CREB5: variants seen among roughly 807,000 people sequenced by gnomAD.
The protein encoded by CREB5 is cAMP responsive element binding protein 5, also known as cyclic AMP-responsive element-binding protein 5.
Under a neutral mutation model 57.1 loss-of-function variants are expected in CREB5, and 19 were observed. The ratio of observed to expected loss-of-function variants is 0.33; its 90% confidence interval spans 0.23 to 0.49. The LOEUF is 0.49. Ranked by LOEUF, CREB5 falls within the 20% of genes least tolerant of loss-of-function variation. CREB5 has a pLI of 0.99. For missense variants in CREB5, 579 were observed against 671.6 expected, an observed-to-expected ratio of 0.86 and a Z score of 1.52; for synonymous variants, 238 against 238.3, an observed-to-expected ratio of 1.00 and a Z score of 0.01.
At chr7:28,633,680 C>T (rs1480364539) in intron 5 of CREB5, among the ~76,000 whole-genome samples, 1 of 152,110 alleles carries the variant, frequency 6.6e-6, no homozygotes, top group Non-Finnish European at 1.5e-5. Context: ...TCTGAAGCTA[C>T]CAGCCATGAC....
intron 1 of CREB5, among the ~76,000 whole-genome samples, chr7:28,472,165 A>AC (rs1554328948): frequency 0.18 from 26,092 of 147,974 alleles, 2,482 homozygotes; most frequent in Non-Finnish European, 0.18. Context: ...AAAAAAAAAA[A>AC]ACATAGTAAT....
At chr7:28,590,534 G>A (rs936415936) in intron 5 of CREB5, among the ~76,000 whole-genome samples, 6 of 107,220 alleles carry the variant, frequency 5.6e-5, no homozygotes, top group Admixed American at 1.1e-4. Flanking sequence ...GTTGTGGGGT[G>A]GGGGGAGGGG....
chr7:28,747,561 C>A (rs1051705011), intron 7 of CREB5, among the ~76,000 whole-genome samples: 3 of 152,180 alleles, frequency 2.0e-5, no homozygotes, highest in Non-Finnish European at 4.4e-5. Flanking sequence ...AAGGGACTCA[C>A]CTTTCTGCTC....
chr7:28,337,770 T>A (rs1008884564), intron 1 of CREB5, among the ~76,000 whole-genome samples: 1 of 152,142 alleles, frequency 6.6e-6, no homozygotes, highest in African/African-American at 2.4e-5. Flanking sequence ...TGTGGTCTTA[T>A]CTTCCTCATT....
At chr7:28,628,181 T>C (rs192671995) in intron 5 of CREB5, among the ~76,000 whole-genome samples, 45 of 152,038 alleles carry the variant, frequency 3.0e-4, no homozygotes, top group Non-Finnish European at 5.0e-4. Flanking sequence ...ATGGCTCTCA[T>C]ATCTCTCGTC....
At chr7:28,471,867 C>T (rs941352096) in intron 1 of CREB5, among the ~76,000 whole-genome samples, 21 of 152,144 alleles carry the variant, frequency 1.4e-4, no homozygotes, top group Admixed American at 5.2e-4. Flanking sequence ...TGCATTATCT[C>T]ATTGTCCCAC....
intron 5 of CREB5, among the ~76,000 whole-genome samples, chr7:28,638,825 C>T (rs906741296): frequency 5.9e-5 from 9 of 152,084 alleles, no homozygotes; most frequent in African/African-American, 2.2e-4. Context: ...AATCAGAGAA[C>T]AAAACTTGGA....
rs540435283 is a variant in CREB5, at chr7:28,577,577, G to C, written c.464+7040G>C. On this transcript the variant is annotated intron_variant, in intron 5 of 10. Transcript: ENST00000357727. Reference sequence around the variant, plus strand: ...CCATTTTGCAGTTGAGTAAAGTAAGGTTCAGAGATTAAGTGACTTGCCCCA... The same window carrying C: ...CCATTTTGCAGTTGAGTAAAGTAAGCTTCAGAGATTAAGTGACTTGCCCCA... Among the ~76,000 whole-genome samples the C allele has an allele frequency of 3.9e-5, 6 of 152,268 alleles. No homozygotes were observed. The South Asian group carries it at 1.2e-3, about 32-fold the overall frequency.
intron 4 of CREB5, among the ~76,000 whole-genome samples, chr7:28,569,115 A>C (rs1368892304): frequency 6.7e-6 from 1 of 149,554 alleles, no homozygotes; most frequent in Non-Finnish European, 1.5e-5. Context: ...GCCCTTACCT[A>C]TTACTTTGTT....
intron 1 of CREB5, among the ~76,000 whole-genome samples, chr7:28,305,312 C>A (rs1562648842): frequency 1.3e-5 from 2 of 152,182 alleles, no homozygotes. Context: ...GCCTTTTGCT[C>A]TTTCCTTCTT....
intron 7 of CREB5, among the ~76,000 whole-genome samples, chr7:28,755,901 A>C (rs1424557437): frequency 6.6e-6 from 1 of 151,458 alleles, no homozygotes; most frequent in Non-Finnish European, 1.5e-5. Context: ...AAGTGCATTC[A>C]TTCATTCATT....
At chr7:28,605,551 G>A (rs1477717561) in intron 5 of CREB5, among the ~76,000 whole-genome samples, 3 of 152,234 alleles carry the variant, frequency 2.0e-5, no homozygotes, top group Admixed American at 6.5e-5. Context: ...CAAACAATGC[G>A]CTAAAATTAA....
intron 1 of CREB5, among the ~76,000 whole-genome samples, chr7:28,346,227 T>C (rs1786055149): frequency 6.6e-6 from 1 of 152,202 alleles, no homozygotes; most frequent in African/African-American, 2.4e-5. Context: ...CATAATTTGG[T>C]TGGCTTATAA....
chr7:28,637,833 A>AT (rs1449227050), intron 5 of CREB5, among the ~76,000 whole-genome samples: 6 of 152,168 alleles, frequency 3.9e-5, no homozygotes, highest in Non-Finnish European at 5.9e-5. Context: ...TATAGTTGTT[A>AT]TTTTTTATTT....
chr7:28,641,934 A>AC (rs1277179340), intron 5 of CREB5, among the ~76,000 whole-genome samples: 5 of 152,196 alleles, frequency 3.3e-5, no homozygotes, highest in African/African-American at 1.2e-4. Flanking sequence ...ACGTGTGTGC[A>AC]CGTGTGTGTA....
At chr7:28,607,984 A>C (rs1349941237) in intron 5 of CREB5, among the ~76,000 whole-genome samples, 1 of 151,898 alleles carries the variant, frequency 6.6e-6, no homozygotes, top group African/African-American at 2.4e-5. Context: ...TTTCCTGGGT[A>C]ATGTCATTGG....
At chr7:28,682,058 T>C (rs977892121) in intron 5 of CREB5, among the ~76,000 whole-genome samples, 2 of 152,188 alleles carry the variant, frequency 1.3e-5, no homozygotes, top group African/African-American at 4.8e-5. Context: ...CATTCAGCAT[T>C]GCCACATCCG....
At chr7:28,589,819 G>A (rs1221670745) in intron 5 of CREB5, among the ~76,000 whole-genome samples, 1 of 152,092 alleles carries the variant, frequency 6.6e-6, no homozygotes, top group African/African-American at 2.4e-5. Flanking sequence ...TTCAAGTGAG[G>A]AAGGAGCAGG....
At chr7:28,804,749 G>A (rs1808609206) in intron 8 of CREB5, among the ~76,000 whole-genome samples, 3 of 152,060 alleles carry the variant, frequency 2.0e-5, no homozygotes, top group South Asian at 4.1e-4. Context: ...AGTCTCTAAG[G>A]GCAAGCATAA....
Sources: gnomAD v4.1 joint callset for allele counts (sites outside exome capture counted in the v4.1 genomes callset) on GRCh38, gnomAD v4.1.1 for gene constraint, MANE v1.5 for transcripts, NCBI Gene and HGNC (gene_info 2026-07-23, HGNC 2026-07-21) for gene names.